Variants in RBKS observed in about 807,000 individuals in gnomAD.
RBKS encodes the protein ribokinase.
In RBKS, 33 loss-of-function variants were observed where a neutral mutation model predicts 33.9. The ratio of observed to expected loss-of-function variants is 0.97; its 90% CI spans 0.74 to 1.30. The LOEUF is 1.30. Ranked by LOEUF, RBKS falls within the 50% of genes most tolerant of loss-of-function variation. RBKS has a pLI of 0.00. For synonymous variants in RBKS, 125 were observed against 143.0 expected (o/e 0.87, Z 0.90); for missense variants, 361 against 392.6 (o/e 0.92, Z 0.68).
At chr2:27,820,857 A>G (rs1026060339) in intron 7 of RBKS, among the ~76,000 whole-genome samples, 2 of 152,148 alleles carry the variant, frequency 1.3e-5, no homozygotes, top group African/African-American at 4.8e-5. Flanking sequence ...CCTGACCAAC[A>G]TGGTGAAACC....
chr2:27,870,784 C>T (rs144078052), intron 1 of RBKS: 1 of 465,458 alleles, frequency 2.1e-6, no homozygotes, highest in African/African-American at 2.0e-5. Context: ...ACAAAATGAC[C>T]AGTTCAGTTT....
intron 7 of RBKS, among the ~76,000 whole-genome samples, chr2:27,783,601 A>G (rs979309526): frequency 3.3e-5 from 5 of 151,930 alleles, no homozygotes; most frequent in Non-Finnish European, 5.9e-5. Context: ...GTGACTACAC[A>G]GTCTCACTTG....
At chr2:27,862,743 CT>C (rs1664015767) in intron 1 of RBKS, among the ~76,000 whole-genome samples, 1 of 152,196 alleles carries the variant, frequency 6.6e-6, no homozygotes, top group Non-Finnish European at 1.5e-5. Context: ...GCTCTGGTTT[CT>C]GTTAAACCCA....
chr2:27,890,267 C>G lies in RBKS; in HGVS notation c.79G>C (p.Asp27His), dbSNP rs1365133936. 6.2e-7 allele frequency: 1 copy of G among 1,613,682 alleles called. No individual in the cohort carries two copies. The highest frequency in any genetic ancestry group is 2.2e-5 in the East Asian group (1 of 44,856). The change falls in exon 1 of 8, where the codon GAC becomes CAC. Residue 27 changes from aspartate to histidine, a missense_variant. Transcript: ENST00000302188. The surrounding 1 kb of genome is among the most constrained non-coding windows in gnomAD (Gnocchi z 4.8). ...TGGCCCCGGACTAACCTGACCAGGT[C>G]GGTCATGCAGGAGCCCACCACTACC... ...AVVVVGSCMTDLVSLTSRLPK... is the reference protein window; with the variant it reads ...AVVVVGSCMTHLVSLTSRLPK...
intron 7 of RBKS, among the ~76,000 whole-genome samples, chr2:27,797,281 T>A (rs1677683644): frequency 6.6e-6 from 1 of 152,188 alleles, no homozygotes; most frequent in African/African-American, 2.4e-5. Flanking sequence ...GAGAGTGGGC[T>A]GTGGGCCACG....
At chr2:27,808,180 A>G (rs1452711282) in intron 7 of RBKS, among the ~76,000 whole-genome samples, 1 of 152,232 alleles carries the variant, frequency 6.6e-6, no homozygotes, top group East Asian at 1.9e-4. Flanking sequence ...TGGGGCTAAG[A>G]TATGCTCAGG....
chr2:27,851,534 A>C (rs1191024349), intron 2 of RBKS, among the ~76,000 whole-genome samples: 2 of 150,668 alleles, frequency 1.3e-5, no homozygotes, highest in Non-Finnish European at 3.0e-5. Context: ...TTTTTTTTTA[A>C]ATTTTTTATT....
chr2:27,805,854 C>A (rs575448774), intron 7 of RBKS, among the ~76,000 whole-genome samples: 120 of 151,984 alleles, frequency 7.9e-4, no homozygotes, highest in Admixed American at 1.2e-3. Flanking sequence ...GGATTACAGG[C>A]ATGAGCCACC....
chr2:27,803,347 C>G (rs945060477), intron 7 of RBKS, among the ~76,000 whole-genome samples: 1 of 152,070 alleles, frequency 6.6e-6, no homozygotes, highest in African/African-American at 2.4e-5. Context: ...ACCATTATGT[C>G]GCAAATGTCC....
At chr2:27,782,723 A>G in intron 7 of RBKS, 3 of 385,450 alleles carry the variant, frequency 7.8e-6, no homozygotes, top group South Asian at 3.8e-5. Context: ...CTCCACTGTA[A>G]AGTTACTTTG....
At chr2:27,784,348 A>G (rs964576791) in intron 7 of RBKS, among the ~76,000 whole-genome samples, 1 of 152,160 alleles carries the variant, frequency 6.6e-6, no homozygotes, top group Non-Finnish European at 1.5e-5. Flanking sequence ...TTCATAACAA[A>G]TCTTGAGGCT....
At position 27,795,868 on chromosome 2, in the gene RBKS, TG is replaced by T. The variant is rs2148186020; in HGVS notation, c.796-14081del. Among the ~76,000 whole-genome samples the T allele has an allele frequency of 6.6e-6, 1 of 152,352 alleles. No homozygotes were observed. The highest frequency in any genetic ancestry group is 1.5e-5 in the Non-Finnish European group (1 of 68,038). On this transcript the variant is annotated intron_variant, in intron 7 of 7. Coordinates refer to ENST00000302188, the MANE Select transcript of RBKS (RefSeq NM_022128.3). The surrounding 1 kb of genome is among the most constrained non-coding windows in gnomAD (Gnocchi z 4.1). Reference sequence around the variant, plus strand: ...TGAGTTCATTGTGCTGAACGTTTTCTGTACAAGCCTTCGCTCTGGGACAATC... The same window carrying T: ...TGAGTTCATTGTGCTGAACGTTTTCTTACAAGCCTTCGCTCTGGGACAATC...
intron 5 of RBKS, among the ~76,000 whole-genome samples, chr2:27,841,939 T>C (rs1663521507): frequency 6.6e-6 from 1 of 152,132 alleles, no homozygotes; most frequent in South Asian, 2.1e-4. Flanking sequence ...CAGGATATTA[T>C]CCTAACTTTA....
intron 7 of RBKS, among the ~76,000 whole-genome samples, chr2:27,818,032 T>C (rs531676213): frequency 6.6e-6 from 1 of 152,266 alleles, no homozygotes; most frequent in South Asian, 2.1e-4. Context: ...AGGAAGAAGC[T>C]GGAGTTGCAT....
chr2:27,826,335 A>G (rs1191226185), intron 7 of RBKS, among the ~76,000 whole-genome samples: 1 of 152,108 alleles, frequency 6.6e-6, no homozygotes, highest in East Asian at 1.9e-4. Flanking sequence ...TCTAAATAAA[A>G]ACTCTAAAAT....
intron 5 of RBKS, among the ~76,000 whole-genome samples, chr2:27,835,557 T>C (rs1678502651): frequency 6.7e-6 from 1 of 148,750 alleles, no homozygotes; most frequent in Non-Finnish European, 1.5e-5. Flanking sequence ...TAGCTGGGAC[T>C]AATGGGCCTA....
At chr2:27,825,997 A>C (rs1419078853) in intron 7 of RBKS, among the ~76,000 whole-genome samples, 1 of 152,220 alleles carries the variant, frequency 6.6e-6, no homozygotes, top group Admixed American at 6.5e-5. Flanking sequence ...TTGATTTCAG[A>C]ACTAAGGATC....
intron 2 of RBKS, among the ~76,000 whole-genome samples, chr2:27,848,607 T>G (rs1322925232): frequency 6.6e-6 from 1 of 152,214 alleles, no homozygotes; most frequent in Non-Finnish European, 1.5e-5. Flanking sequence ...TAGCATCTAT[T>G]CTGTTAAAGG....
At chr2:27,874,310 C>A (rs1378098708) in intron 1 of RBKS, among the ~76,000 whole-genome samples, 1 of 152,214 alleles carries the variant, frequency 6.6e-6, no homozygotes, top group Non-Finnish European at 1.5e-5. Context: ...ACAATTACTA[C>A]ATTCCAGACT....
Sources: allele counts gnomAD v4.1 joint callset (sites outside exome capture counted in the v4.1 genomes callset), GRCh38; gene constraint gnomAD v4.1.1; non-coding constraint Gnocchi (gnomAD v3.1); transcripts MANE v1.5; gene names NCBI Gene and HGNC (gene_info 2026-07-23, HGNC 2026-07-21).